ZDBF2: variants seen among roughly 807,000 people sequenced by gnomAD.
ZDBF2 encodes the protein zinc finger DBF-type containing 2.
A neutral mutation model predicts 9.4 loss-of-function variants in ZDBF2; 6 were observed. The observed-to-expected ratio is 0.64, with a 90% CI of 0.35 to 1.27. The LOEUF (loss-of-function observed/expected upper bound fraction) is 1.27. Ranked by LOEUF, ZDBF2 falls within the 50% of genes most tolerant of loss-of-function variation. The probability of loss-of-function intolerance (pLI) is 0.03; values close to 1 mark genes in which losing one functional copy is unlikely to be tolerated. For missense variants in ZDBF2, 2,697 were observed against 2,766.8 expected, an observed-to-expected ratio of 0.97 and a Z score of 0.57; for synonymous variants, 905 against 946.3, an observed-to-expected ratio of 0.96 and a Z score of 0.80.
chr2:206,307,589 A>G lies in ZDBF2; in HGVS notation c.3061A>G (p.Ile1021Val). The G allele has an allele frequency of 6.2e-7, 1 of 1,612,860 alleles. No individual in the cohort carries two copies. The highest frequency in any genetic ancestry group is 8.5e-7 in the Non-Finnish European group (1 of 1,179,540). ...TGAACCTCAAGTAGCTGTTAACAAA[A>G]TAAACAGAAAGAAGCAATATGTTCT... is the stretch of plus-strand genomic sequence containing the variant. The part of the protein sequence containing the change: ...VTEPQVAVNK[I>V]NRKKQYVLEN... The change falls in exon 5 of 5, where the codon ATA becomes GTA. Residue 1021 changes from isoleucine to valine, a missense_variant. Coordinates refer to ENST00000374423, the MANE Select transcript of ZDBF2 (RefSeq NM_020923.3).
Position 206,309,088 on chromosome 2 carries a change from C to T in ZDBF2, c.4560C>T (p.Thr1520=). Residue 1520 remains threonine, a synonymous_variant, in exon 5 of 5, where the codon ACC becomes ACT. Transcript: ENST00000374423. ...VNQFPGSVKE[T]HLPKVVLVDL... ...AATTTCCAGGATCAGTCAAAGAAAC[C>T]CACCTTCCAAAGGTGGTACTTGTGG... is the stretch of plus-strand genomic sequence containing the variant. 1 of 1,613,854 alleles carries T rather than the reference C, an allele frequency of 6.2e-7. No individual in the cohort carries two copies. Among genetic ancestry groups the T allele is most frequent in the South Asian group, 1.1e-5 (1 of 91,044 alleles).
In ZDBF2 at chr2:206,280,019, G is replaced by A. The variant is rs112205786; in HGVS notation, c.-50+427G>A. 3.0e-3 allele frequency among the ~76,000 whole-genome samples: 452 copies of A among 152,310 alleles called. 1 individual carries two copies. Among genetic ancestry groups the A allele is most frequent in the African/African-American group, 1.0e-2 (414 of 41,568 alleles). On this transcript the variant is annotated intron_variant, in intron 2 of 4. Coordinates refer to ENST00000374423, the MANE Select transcript of ZDBF2 (RefSeq NM_020923.3). ...AGGTTTTTGCCATGTTGGCCAGGCT[G>A]TTCTCAAACTCCTAACCGCAGGCGA...
chr2:206,280,901 C>G (rs1258647973), intron 2 of ZDBF2, among the ~76,000 whole-genome samples: 1 of 152,036 alleles, frequency 6.6e-6, no homozygotes. Flanking sequence ...AATTGAAATA[C>G]AAAATTATTT....
intron 3 of ZDBF2, among the ~76,000 whole-genome samples, chr2:206,287,120 GT>G (rs1472905334): frequency 6.6e-6 from 1 of 152,166 alleles, no homozygotes; most frequent in Non-Finnish European, 1.5e-5. Flanking sequence ...CTTTGGTGGG[GT>G]TGGATGTCTT....
chr2:206,291,607 T>C (rs866262140), intron 3 of ZDBF2, among the ~76,000 whole-genome samples: 12 of 152,334 alleles, frequency 7.9e-5, no homozygotes, highest in Admixed American at 2.6e-4. Context: ...TCTCCAAATA[T>C]TAGGGGTTAG....
chr2:206,286,866 T>A lies in ZDBF2; in HGVS notation c.60+4957T>A, dbSNP rs1456610856. On this transcript the variant is annotated intron_variant, in intron 3 of 4. Transcript: ENST00000374423. The stretch of plus-strand genomic sequence containing the variant: ...GGAATTGCTTCTGTTATTTTGTTAA[T>A]TGCTTTCCGGTTGTTTTATGTGTGC... Among the ~76,000 whole-genome samples the A allele has an allele frequency of 2.0e-5, 3 of 152,262 alleles. No individual in the cohort carries two copies. In the East Asian group the frequency reaches 5.8e-4, roughly 29 times the overall value.
At chr2:206,283,946 A>G (rs1691465952) in intron 3 of ZDBF2, among the ~76,000 whole-genome samples, 1 of 152,200 alleles carries the variant, frequency 6.6e-6, no homozygotes, top group Non-Finnish European at 1.5e-5. Flanking sequence ...TACAGGTGTG[A>G]GCCACCACAA....
Position 206,297,283 on chromosome 2 carries a change from A to C in ZDBF2, c.98A>C (p.Gln33Pro). ...FSAQHRSLTR[Q>P]SRRQICTSSL... is the part of the protein sequence containing the mutation. The stretch of plus-strand genomic sequence containing the variant: ...GCTCAGCACAGGAGTTTGACCAGAC[A>C]GAGTAGACGTCAAATATGTACCAGT... The change falls in exon 4 of 5, where the codon CAG becomes CCG. Residue 33 changes from glutamine (Q) to proline (P), a missense_variant. Transcript: ENST00000374423. 1.3e-6 allele frequency: 2 copies of C among 1,562,640 alleles called. No homozygotes were observed. The highest frequency in any genetic ancestry group is 1.8e-6 in the Non-Finnish European group (2 of 1,133,068).
At position 206,306,581 on chromosome 2, in the gene ZDBF2, A is replaced by G; in HGVS notation, c.2053A>G (p.Ile685Val). The change falls in exon 5 of 5, where the codon ATA becomes GTA. Residue 685 changes from isoleucine to valine, a missense_variant. Ile to Val is a conservative substitution (Grantham distance 29). This residue lies in a region of ZDBF2 where 910 missense variants were observed against 973.6 expected (regional missense o/e 0.93). Transcript: ENST00000374423. The stretch of plus-strand genomic sequence containing the variant: ...AGCTGACCAGTCTCAAGTAGCCGAA[A>G]TAGAGCGTCAGAAAGTGGATGTTGA... ...QLADQSQVAE[I>V]ERQKVDVDLE... 6.2e-7 allele frequency: 1 copy of G among 1,613,704 alleles called. No individual in the cohort carries two copies. Among genetic ancestry groups the G allele is most frequent in the Admixed American group, 1.7e-5 (1 of 59,918 alleles).
chr2:206,285,369 G>A (rs150280826), intron 3 of ZDBF2, among the ~76,000 whole-genome samples: 2 of 152,186 alleles, frequency 1.3e-5, no homozygotes, highest in African/African-American at 4.8e-5. Flanking sequence ...TCTCATTGTG[G>A]TTTTGATTTA....
chr2:206,275,575 C>T (rs1328534671), intron 1 of ZDBF2, among the ~76,000 whole-genome samples: 2 of 152,192 alleles, frequency 1.3e-5, no homozygotes, highest in Non-Finnish European at 2.9e-5. Context: ...GCGATTATCT[C>T]ACGCGATGAT....
rs201770559 is a variant in ZDBF2 at position 206,310,152 on chromosome 2, A to G, written c.5624A>G (p.Lys1875Arg). 1.1e-5 allele frequency: 18 copies of G among 1,613,336 alleles called. No homozygotes were observed. The highest frequency in any genetic ancestry group is 5.0e-5 in the Admixed American group (3 of 59,860). The change falls in exon 5 of 5, where the codon AAG becomes AGG. Residue 1875 changes from lysine (K) to arginine (R), a missense_variant. Lys to Arg is a conservative substitution (Grantham distance 26). Around this residue, in one of 3 missense-constraint regions of ZDBF2, gnomAD observed 1,783 missense variants for 1,776.5 expected, o/e 1.00. Transcript: ENST00000374423. ...AAAGTTTCTTCGAAGGGGAAAAAAA[A>G]GGTTACCTGGGCTGACTTGCAAGGT... ...TKKVSSKGKK[K>R]VTWADLQGKE... is the part of the protein sequence containing the mutation.
intron 3 of ZDBF2, among the ~76,000 whole-genome samples, chr2:206,285,624 T>A (rs189751197): frequency 3.9e-4 from 60 of 152,344 alleles, no homozygotes; most frequent in Non-Finnish European, 1.5e-5. Flanking sequence ...CTGTTGATTG[T>A]CCTTTGCTGT....
rs1303193673 is a variant in ZDBF2, at chr2:206,307,987, C to T, written c.3459C>T (p.Ser1153=). The T allele has an allele frequency of 6.2e-7, 1 of 1,613,722 alleles. No homozygotes were observed. The highest frequency in any genetic ancestry group is 8.5e-7 in the Non-Finnish European group (1 of 1,179,786). ...ATATGTACTTGGAAGTTAAGAACAG[C>T]CAATATAGTTGTTCAGAAATGAATT... ...ENHMYLEVKN[S]QYSCSEMNLD... is the part of the protein sequence containing the mutation. Residue 1153 remains serine (S), a synonymous_variant, in exon 5 of 5, where the codon AGC becomes AGT. Transcript: ENST00000374423.
At chr2:206,282,635 G>A (rs1032455540) in intron 3 of ZDBF2, among the ~76,000 whole-genome samples, 6 of 152,102 alleles carry the variant, frequency 3.9e-5, no homozygotes, top group Admixed American at 6.6e-5. Flanking sequence ...GAGTTAAATC[G>A]TCTACTTTGT....
Position 206,305,363 on chromosome 2 carries a change from G to T in ZDBF2, c.835G>T (p.Gly279Cys), listed in dbSNP as rs750742601. Reference sequence around the variant, plus strand: ...TTTGTGGAAAGATGTAAAATCTCAGGGTAAAACTTTATCAGCTGGCTTGAA... The same window carrying T: ...TTTGTGGAAAGATGTAAAATCTCAGTGTAAAACTTTATCAGCTGGCTTGAA... Reference protein sequence around the residue: ...LVLWKDVKSQGKTLSAGLKFH... With the variant: ...LVLWKDVKSQCKTLSAGLKFH... Residue 279 changes from glycine to cysteine, a missense_variant, in exon 5 of 5, where the codon GGT (glycine) becomes TGT (cysteine). Transcript: ENST00000374423. 7.4e-6 allele frequency: 12 copies of T among 1,612,582 alleles called. No individual in the cohort carries two copies. Among genetic ancestry groups the T allele is most frequent in the Non-Finnish European group, 9.3e-6 (11 of 1,179,318 alleles).
chr2:206,292,566 T>C (rs1213510493), intron 3 of ZDBF2, among the ~76,000 whole-genome samples: 1 of 151,948 alleles, frequency 6.6e-6, no homozygotes, highest in East Asian at 1.9e-4. Flanking sequence ...ATAAAAATGA[T>C]AAAGATTGGA....
rs1692883813 is a variant in ZDBF2 at position 206,307,621 on chromosome 2, C to G, written c.3093C>G (p.Asn1031Lys). The G allele has an allele frequency of 1.2e-6, 2 of 1,612,036 alleles. No homozygotes were observed. Among genetic ancestry groups the G allele is most frequent in the Non-Finnish European group, 1.7e-6 (2 of 1,179,162 alleles). The part of the protein sequence containing the change: ...INRKKQYVLE[N>K]KNDKCSGSEI... ...GAAAGAAGCAATATGTTCTAGAAAA[C>G]AAGAATGATAAATGTAGTGGTTCTG... is the stretch of plus-strand genomic sequence containing the variant. The change falls in exon 5 of 5, where the codon AAC becomes AAG. Residue 1031 changes from asparagine to lysine, a missense_variant. Physicochemically the swap from Asn to Lys is moderately conservative, Grantham distance 94 (BLOSUM62 0). Transcript: ENST00000374423.
At chr2:206,287,501 T>A (rs183360100) in intron 3 of ZDBF2, among the ~76,000 whole-genome samples, 16 of 152,356 alleles carry the variant, frequency 1.1e-4, no homozygotes, top group Admixed American at 2.6e-4. Context: ...TCAGATTCCA[T>A]CTTTGGTCTT....
Sources: allele counts gnomAD v4.1 joint callset (sites outside exome capture counted in the v4.1 genomes callset), GRCh38; gene constraint gnomAD v4.1.1; regional missense constraint gnomAD v4.1.1; transcripts MANE v1.5; gene names NCBI Gene and HGNC (gene_info 2026-07-23, HGNC 2026-07-21).